Variants in CCDC7 observed in about 807,000 individuals in gnomAD.
CCDC7 encodes the protein coiled-coil domain-containing protein 7.
A neutral mutation model predicts 196.9 loss-of-function variants in CCDC7; 183 were observed. The ratio of observed to expected loss-of-function variants is 0.93; its 90% CI spans 0.82 to 1.05. The LOEUF (loss-of-function observed/expected upper bound fraction) is 1.05, where lower values mean the gene tolerates loss of function less well. CCDC7 is among the 50% of genes least tolerant of loss of function. The pLI is 0.00. For synonymous variants in CCDC7, 525 were observed against 484.6 expected (o/e 1.08, Z -1.10); for missense variants, 1,540 against 1,482.2 (o/e 1.04, Z -0.64).
chr10:32,471,294 A>G, intron 6 of CCDC7, 64 bp downstream of exon 7: 1 of 1,532,866 alleles, frequency 6.5e-7, no homozygotes, highest in Non-Finnish European at 8.8e-7. Context: ...ATTAGCACTG[A>G]ATGTAAGATA....
intron 16 of CCDC7, among the ~76,000 whole-genome samples, chr10:32,572,115 A>G (rs758926878): frequency 2.6e-5 from 4 of 152,158 alleles, no homozygotes; most frequent in Non-Finnish European, 5.9e-5. Context: ...ATTAAGGACA[A>G]TGTAGAAACA....
chr10:32,700,606 C>G (rs2078534641), intron 24 of CCDC7, among the ~76,000 whole-genome samples: 1 of 152,110 alleles, frequency 6.6e-6, no homozygotes, highest in Admixed American at 6.6e-5. Context: ...TCGTTGGTAG[C>G]TAGATGGGGA....
chr10:32,746,241 C>T (rs1332127050), intron 28 of CCDC7, among the ~76,000 whole-genome samples: 2 of 152,160 alleles, frequency 1.3e-5, no homozygotes, highest in Non-Finnish European at 2.9e-5. Context: ...TGCCAAGCAT[C>T]AGGACTCATT....
intron 24 of CCDC7, among the ~76,000 whole-genome samples, chr10:32,710,369 A>G (rs1181712308): frequency 6.6e-6 from 1 of 152,170 alleles, no homozygotes; most frequent in Non-Finnish European, 1.5e-5. Flanking sequence ...TATTGATGCA[A>G]ATCAGCTCGC....
intron 14 of CCDC7, among the ~76,000 whole-genome samples, chr10:32,566,119 C>T (rs1460721157): frequency 6.6e-6 from 1 of 152,044 alleles, no homozygotes; most frequent in Non-Finnish European, 1.5e-5. Context: ...AATTGTTTTG[C>T]CTACCATCTT....
intron 23 of CCDC7, among the ~76,000 whole-genome samples, chr10:32,690,952 A>G (rs866854741): frequency 2.0e-5 from 3 of 152,040 alleles, no homozygotes; most frequent in Middle Eastern, 3.2e-3. Flanking sequence ...CAGATGCAAA[A>G]CCAGAGAGCA....
At chr10:32,697,222 C>G (rs1244773460) in intron 24 of CCDC7, among the ~76,000 whole-genome samples, 1 of 152,050 alleles carries the variant, frequency 6.6e-6, no homozygotes, top group Non-Finnish European at 1.5e-5. Flanking sequence ...CCAAGATGGC[C>G]GAATAGGAAC....
chr10:32,576,043 C>G (rs539246442), intron 16 of CCDC7, among the ~76,000 whole-genome samples: 7 of 152,252 alleles, frequency 4.6e-5, no homozygotes, highest in Admixed American at 3.3e-4. Context: ...TCGTTCATCA[C>G]CTCCCTTGAA....
chr10:32,770,351 C>G (rs2078987027), intron 28 of CCDC7, among the ~76,000 whole-genome samples: 1 of 151,948 alleles, frequency 6.6e-6, no homozygotes, highest in South Asian at 2.1e-4. Context: ...TTTAAATTTC[C>G]ATCTTAATTT....
At chr10:32,597,045 G>T (rs1290514564) in intron 18 of CCDC7, among the ~76,000 whole-genome samples, 1 of 152,142 alleles carries the variant, frequency 6.6e-6, no homozygotes, top group Admixed American at 6.5e-5. Context: ...GGCGTTCTCT[G>T]TATTTCCCGA....
chr10:32,624,808 G>A (rs558335763), intron 18 of CCDC7, among the ~76,000 whole-genome samples: 2 of 151,998 alleles, frequency 1.3e-5, no homozygotes, highest in African/African-American at 2.4e-5. Flanking sequence ...CTACTTTTAT[G>A]AAAAAGTCTA....
At chr10:32,491,309 C>A (rs1364267028) in intron 8 of CCDC7, among the ~76,000 whole-genome samples, 1 of 152,118 alleles carries the variant, frequency 6.6e-6, no homozygotes, top group Non-Finnish European at 1.5e-5. Context: ...CAGGGACTGT[C>A]TTCTGTCATA....
At chr10:32,858,118 G>T (rs754769425) in intron 41 of CCDC7, among the ~76,000 whole-genome samples, 12 of 152,184 alleles carry the variant, frequency 7.9e-5, no homozygotes, top group African/African-American at 1.9e-4. Flanking sequence ...CAAATAAAAA[G>T]GTTGAAGAAG....
intron 24 of CCDC7, among the ~76,000 whole-genome samples, chr10:32,702,655 A>T (rs1040494163): frequency 2.0e-5 from 3 of 152,246 alleles, no homozygotes; most frequent in East Asian, 3.9e-4. Flanking sequence ...GTGGGAGTCT[A>T]AGTCTCTTTG....
At chr10:32,766,298 G>A (rs546995391) in intron 28 of CCDC7, among the ~76,000 whole-genome samples, 7 of 152,054 alleles carry the variant, frequency 4.6e-5, no homozygotes, top group African/African-American at 1.7e-4. Context: ...GTATATTAAG[G>A]CAACGTATTC....
At chr10:32,506,130 C>CA in intron 9 of CCDC7, among the ~76,000 whole-genome samples, 1 of 150,606 alleles carries the variant, frequency 6.6e-6, no homozygotes, top group African/African-American at 2.5e-5. Flanking sequence ...AGGCGCTGCT[C>CA]ACTTCCCATT....
intron 31 of CCDC7, among the ~76,000 whole-genome samples, chr10:32,823,743 TC>T (rs1298534260): frequency 1.3e-5 from 2 of 152,158 alleles, no homozygotes; most frequent in Non-Finnish European, 2.9e-5. Flanking sequence ...TTTTAGTTTT[TC>T]CATCATTATA....
intron 20 of CCDC7, among the ~76,000 whole-genome samples, chr10:32,651,877 G>A (rs2068825571): frequency 6.6e-6 from 1 of 152,178 alleles, no homozygotes; most frequent in African/African-American, 2.4e-5. Flanking sequence ...GATGCCCTTT[G>A]GGAAGATTTA....
intron 8 of CCDC7, among the ~76,000 whole-genome samples, chr10:32,487,018 C>T (rs990813300): frequency 1.3e-5 from 2 of 151,996 alleles, no homozygotes; most frequent in Admixed American, 6.6e-5. Flanking sequence ...CTCTGTGTTT[C>T]CTGAATTTGA....
Sources: gnomAD v4.1 joint callset for allele counts (sites outside exome capture counted in the v4.1 genomes callset) on GRCh38, gnomAD v4.1.1 for gene constraint, MANE v1.5 for transcripts, NCBI Gene and HGNC (gene_info 2026-07-23, HGNC 2026-07-21) for gene names.